The following TUBGCP4 variants were observed in gnomAD, a reference collection of about 807,000 sequenced individuals.
The protein encoded by TUBGCP4 is tubulin gamma complex component 4.
In TUBGCP4, 54 loss-of-function variants were observed where a neutral mutation model predicts 91.6. That is an observed-to-expected ratio of 0.59 (90% confidence interval 0.47 to 0.74). The LOEUF is 0.74. Among genes scored for constraint, TUBGCP4 ranks in the 30% least tolerant of loss-of-function variants. The probability of loss-of-function intolerance (pLI) is 0.00; values close to 1 mark genes in which losing one functional copy is unlikely to be tolerated. For synonymous variants in TUBGCP4, 297 were observed against 302.8 expected, an observed-to-expected ratio of 0.98 and a Z score of 0.20; for missense variants, 593 against 800.9, an observed-to-expected ratio of 0.74 and a Z score of 3.13.
chr15:43,380,724 A>G (rs940842639), intron 6 of TUBGCP4, among the ~76,000 whole-genome samples: 5 of 152,260 alleles, frequency 3.3e-5, no homozygotes, highest in Admixed American at 6.5e-5. Flanking sequence ...CTATAAAGCC[A>G]CTAAAAGTGT....
At chr15:43,397,025 C>T (rs570570721) in intron 11 of TUBGCP4, among the ~76,000 whole-genome samples, 189 bp from the exon 12 acceptor site, 2 of 152,212 alleles carry the variant, frequency 1.3e-5, no homozygotes, top group South Asian at 2.1e-4. Flanking sequence ...GGATGATTCT[C>T]CAAGGAAAAT....
intron 12 of TUBGCP4, among the ~76,000 whole-genome samples, chr15:43,397,524 G>A (rs554871909): frequency 3.3e-5 from 5 of 152,246 alleles, no homozygotes; most frequent in South Asian, 2.1e-4. Context: ...TGTTTTGGGG[G>A]AGTTGGTTTT....
chr15:43,380,128 T>C lies in TUBGCP4; in HGVS notation c.486T>C (p.Cys162=). The part of the protein sequence containing the change: ...QILETVYKHS[C]GGLPPVRSAL... ...TGGAAACAGTCTACAAACACAGCTG[T>C]GGGGGGTTGCCTCCTGTTCGAAGTG... Residue 162 remains cysteine, a synonymous_variant, in exon 6 of 18, where the codon TGT becomes TGC. Coordinates refer to ENST00000564079, the MANE Select transcript of TUBGCP4 (RefSeq NM_014444.5). The C allele has an allele frequency of 6.2e-6, 10 of 1,614,082 alleles. No homozygotes were observed. Among genetic ancestry groups the C allele is most frequent in the Non-Finnish European group, 8.5e-6 (10 of 1,179,948 alleles).
rs1201593348 is a variant in TUBGCP4 at position 43,405,961 on chromosome 15, A to C, written c.*747A>C. 6.8e-6 allele frequency: 1 copy of C among 147,980 alleles called. No individual in the cohort carries two copies. Among genetic ancestry groups the C allele is most frequent in the East Asian group, 2.0e-4 (1 of 5,060 alleles). The allele number at this position is 147,980 out of a possible 1,614,324, so 9.2% of individuals were successfully genotyped here. On this transcript the variant is annotated 3_prime_UTR_variant, in exon 18 of 18. Coordinates refer to ENST00000564079, the MANE Select transcript of TUBGCP4 (RefSeq NM_014444.5). Reference sequence around the variant, plus strand: ...AGGCTGAGACAGGAGAATTGCTTGAACCTGGGAAGCAGACGCTGCAGTGAG... The same window carrying C: ...AGGCTGAGACAGGAGAATTGCTTGACCCTGGGAAGCAGACGCTGCAGTGAG...
At position 43,405,185 on chromosome 15, in the gene TUBGCP4, C is replaced by A. The variant is rs748110725; in HGVS notation, c.1989-17C>A. 6.2e-7 allele frequency: 1 copy of A among 1,614,042 alleles called. No individual in the cohort carries two copies. The highest frequency in any genetic ancestry group is 8.5e-7 in the Non-Finnish European group (1 of 1,179,956). On this transcript the variant is annotated splice_polypyrimidine_tract_variant and intron_variant, in intron 17 of 17. Transcript: ENST00000564079. ...GGAAAGCATGACACTTAATAAGGCT[C>A]TTTTTCTCTTTTGTAGTTTCGGGAT... is the stretch of plus-strand genomic sequence containing the variant.
At chr15:43,394,801 G>T in intron 9 of TUBGCP4, 1 of 393,752 alleles carries the variant, frequency 2.5e-6, no homozygotes, top group Non-Finnish European at 4.7e-6. Flanking sequence ...AGACGCCTTT[G>T]CCTTCTGCCA....
At chr15:43,398,327 C>A in intron 13 of TUBGCP4, 148 bp downstream of exon 13, 1 of 791,972 alleles carries the variant, frequency 1.3e-6, no homozygotes, top group Non-Finnish European at 1.9e-6. Context: ...AGGAGGATCC[C>A]TTAAGCCCAG....
chr15:43,402,087 A>G, intron 15 of TUBGCP4: 1 of 359,840 alleles, frequency 2.8e-6, no homozygotes, highest in South Asian at 3.7e-5. Flanking sequence ...CCTGGCCAAC[A>G]TGGTGAAAAC....
chr15:43,401,604 A>T, intron 14 of TUBGCP4, 112 bp from the exon 15 acceptor site: 1 of 1,135,838 alleles, frequency 8.8e-7, no homozygotes, highest in Non-Finnish European at 1.3e-6. Flanking sequence ...TGACTTGGTT[A>T]GAAGGAAGAT....
Position 43,409,638 on chromosome 15 carries a change from A to C in TUBGCP4, c.*4424A>C. The C allele has an allele frequency of 6.7e-7, 1 of 1,487,478 alleles. No individual in the cohort carries two copies. The highest frequency in any genetic ancestry group is 9.1e-7 in the Non-Finnish European group (1 of 1,103,220). The allele number at this position is 1,487,478 out of a possible 1,614,324, so 92.1% of individuals were successfully genotyped here. ...CCACTATATTAGGTTACACAAAGAA[A>C]CTCCTCACCTGGGCTTCATTGAAAT... On this transcript the variant is annotated 3_prime_UTR_variant, in exon 18 of 18. Transcript: ENST00000564079.
At chr15:43,381,548 G>A (rs1408957941) in intron 6 of TUBGCP4, among the ~76,000 whole-genome samples, 1 of 152,008 alleles carries the variant, frequency 6.6e-6, no homozygotes, top group Admixed American at 6.6e-5. Flanking sequence ...ACCAGCCTGG[G>A]CAACATAGCG....
In TUBGCP4 at chr15:43,376,163, C is replaced by G. The variant is rs773357928; in HGVS notation, c.144C>G (p.Leu48=). 5 of 1,614,118 alleles carry G rather than the reference C, an allele frequency of 3.1e-6. No individual in the cohort carries two copies. The highest frequency in any genetic ancestry group is 4.2e-6 in the Non-Finnish European group (5 of 1,180,018). The part of the protein sequence containing the change: ...ETSVLNRLCR[L]GTDYIRFTEF... ...GTGTCCTGAATCGACTCTGCCGGCTCGGCACAGACTATATTCGCTTCACTG... is the reference window on the plus strand; with the variant it reads ...GTGTCCTGAATCGACTCTGCCGGCTGGGCACAGACTATATTCGCTTCACTG... The change falls in exon 2 of 18, where the codon CTC becomes CTG. Residue 48 remains leucine, a synonymous_variant. Transcript: ENST00000564079.
At chr15:43,395,071 T>C in intron 9 of TUBGCP4, 36 bp from the exon 10 acceptor site, 1 of 1,611,432 alleles carries the variant, frequency 6.2e-7, no homozygotes. Flanking sequence ...CTCACTGTAA[T>C]GAAATTTGTC....
intron 13 of TUBGCP4, 146 bp downstream of exon 13, chr15:43,398,325 C>T (rs994927453): frequency 7.6e-6 from 6 of 794,390 alleles, no homozygotes; most frequent in Non-Finnish European, 9.3e-6. Context: ...GCAGGAGGAT[C>T]CCTTAAGCCC....
At chr15:43,404,231 G>C in intron 16 of TUBGCP4, 182 bp from the exon 17 acceptor site, 1 of 628,628 alleles carries the variant, frequency 1.6e-6, no homozygotes, top group Non-Finnish European at 2.7e-6. Flanking sequence ...AGGAAGTCAT[G>C]CATGTATGGA....
chr15:43,382,307 A>G (rs2044297178), intron 6 of TUBGCP4, among the ~76,000 whole-genome samples: 1 of 152,254 alleles, frequency 6.6e-6, no homozygotes, highest in Admixed American at 6.5e-5. Context: ...AGTTAACATT[A>G]ATTCAGTAAT....
intron 9 of TUBGCP4, chr15:43,394,155 C>T (rs531004512): frequency 1.3e-4 from 19 of 149,364 alleles, no homozygotes; most frequent in African/African-American, 4.5e-4. Flanking sequence ...GCAATCTCGG[C>T]TCACTGCAAG....
chr15:43,399,492 G>T (rs2044632121), intron 13 of TUBGCP4, among the ~76,000 whole-genome samples: 1 of 152,038 alleles, frequency 6.6e-6, no homozygotes, highest in Non-Finnish European at 1.5e-5. Flanking sequence ...CTATAGGTGG[G>T]CACCACCACA....
intron 10 of TUBGCP4, 56 bp from the exon 11 acceptor site, chr15:43,395,527 C>T: frequency 8.0e-7 from 1 of 1,254,274 alleles, no homozygotes; most frequent in Non-Finnish European, 1.2e-6. Flanking sequence ...TTCCTCAGGA[C>T]AGTGAGGAGC....
Sources: allele counts gnomAD v4.1 joint callset (sites outside exome capture counted in the v4.1 genomes callset), GRCh38; gene constraint gnomAD v4.1.1; transcripts MANE v1.5; gene names NCBI Gene and HGNC (gene_info 2026-07-23, HGNC 2026-07-21).